Variants in RGS7 observed in about 807,000 individuals in gnomAD.
RGS7 encodes the protein regulator of G protein signaling 7.
Under a neutral mutation model 81.1 loss-of-function variants are expected in RGS7, and 27 were observed. The ratio of observed to expected loss-of-function variants is 0.33; its 90% CI spans 0.25 to 0.46. The LOEUF is 0.46. RGS7 is among the 20% of genes least tolerant of loss of function. RGS7 has a pLI of 1.00. For synonymous variants in RGS7, 208 were observed against 207.7 expected, an observed-to-expected ratio of 1.00 and a Z score of -0.01; for missense variants, 396 against 607.4, an observed-to-expected ratio of 0.65 and a Z score of 3.66.
chr1:241,125,597 C>A (rs1295376942), intron 2 of RGS7, among the ~76,000 whole-genome samples: 1 of 152,170 alleles, frequency 6.6e-6, no homozygotes, highest in African/African-American at 2.4e-5. Flanking sequence ...AGGCACTTCT[C>A]TAGTTAGAAA....
chr1:240,907,895 C>T (rs1423727156), intron 6 of RGS7, among the ~76,000 whole-genome samples: 4 of 151,922 alleles, frequency 2.6e-5, no homozygotes, highest in Admixed American at 1.3e-4. Flanking sequence ...ATAAGAGTGC[C>T]GATCCATAAA....
intron 18 of RGS7, among the ~76,000 whole-genome samples, chr1:240,793,106 TG>T (rs1686296690): frequency 6.6e-6 from 1 of 151,940 alleles, no homozygotes; most frequent in African/African-American, 2.4e-5. Flanking sequence ...GCAGCAGGGG[TG>T]ACATTTCCCA....
intron 2 of RGS7, among the ~76,000 whole-genome samples, chr1:241,296,595 C>T (rs1038272165): frequency 2.0e-5 from 3 of 152,228 alleles, no homozygotes; most frequent in Non-Finnish European, 2.9e-5. Context: ...TCCACATGGA[C>T]GGAAGACGTT....
At chr1:240,801,665 C>A (rs370516550) in intron 16 of RGS7, among the ~76,000 whole-genome samples, 157 bp from the exon 17 acceptor site, 4 of 152,102 alleles carry the variant, frequency 2.6e-5, no homozygotes, top group African/African-American at 4.8e-5. Context: ...GTTGGAGAGC[C>A]GCCAAGGGAG....
At chr1:241,142,399 T>A (rs923901097) in intron 2 of RGS7, among the ~76,000 whole-genome samples, 1 of 152,218 alleles carries the variant, frequency 6.6e-6, no homozygotes, top group Admixed American at 6.5e-5. Flanking sequence ...GTAGCAGACT[T>A]CTGCCTGGAC....
chr1:240,916,603 TG>T (rs371319117), intron 6 of RGS7, among the ~76,000 whole-genome samples: 1 of 152,076 alleles, frequency 6.6e-6, no homozygotes, highest in Non-Finnish European at 1.5e-5. Context: ...ATCATAAGGG[TG>T]AGGTCCCAAT....
intron 3 of RGS7, among the ~76,000 whole-genome samples, chr1:241,037,802 T>G (rs1034011047): frequency 2.0e-5 from 3 of 150,772 alleles, no homozygotes; most frequent in African/African-American, 7.3e-5. Flanking sequence ...CAGAACGAAA[T>G]AATGACTTTT....
rs980280125 is a variant in RGS7, at chr1:240,818,070, C to CT, written c.685-1656dup. On this transcript the variant is annotated intron_variant, in intron 10 of 18. Transcript: ENST00000440928. ...TTCCCATCACTGAGGATATCCATTT[C>CT]TTTTTTTTCTTTTTTTATAATGCCA... Among the ~76,000 whole-genome samples the CT allele has an allele frequency of 5.3e-4, 80 of 152,070 alleles. 1 individual carries two copies. Among genetic ancestry groups the CT allele is most frequent in the African/African-American group, 1.9e-3 (77 of 41,494 alleles).
chr1:240,969,945 G>C (rs934544615), intron 4 of RGS7, among the ~76,000 whole-genome samples: 1 of 152,176 alleles, frequency 6.6e-6, no homozygotes, highest in Non-Finnish European at 1.5e-5. Flanking sequence ...CATGATCTGA[G>C]ACTTACATTT....
chr1:241,288,735 A>C (rs2078946811), intron 2 of RGS7, among the ~76,000 whole-genome samples: 1 of 152,178 alleles, frequency 6.6e-6, no homozygotes, highest in Non-Finnish European at 1.5e-5. Flanking sequence ...TCATTTCTGG[A>C]AAGTTGGAAA....
At chr1:240,927,193 A>G (rs1674599115) in intron 6 of RGS7, among the ~76,000 whole-genome samples, 1 of 152,106 alleles carries the variant, frequency 6.6e-6, no homozygotes, top group African/African-American at 2.4e-5. Context: ...CGGCCTCCCA[A>G]GTAGCTGGGA....
At chr1:241,329,151 C>G (rs574661632) in intron 2 of RGS7, among the ~76,000 whole-genome samples, 1 of 152,172 alleles carries the variant, frequency 6.6e-6, no homozygotes, top group Non-Finnish European at 1.5e-5. Flanking sequence ...TTTCCAACTT[C>G]GAGATCTCAT....
intron 2 of RGS7, among the ~76,000 whole-genome samples, chr1:241,157,755 T>C (rs1467929835): frequency 6.6e-6 from 1 of 152,086 alleles, no homozygotes; most frequent in Non-Finnish European, 1.5e-5. Flanking sequence ...TTTCATAATA[T>C]GTGAAAATTA....
chr1:241,064,735 G>A (rs1420022206), intron 3 of RGS7, among the ~76,000 whole-genome samples: 1 of 151,292 alleles, frequency 6.6e-6, no homozygotes, highest in African/African-American at 2.4e-5. Flanking sequence ...AAAAAAAAAA[G>A]AGACAAAGAA....
At chr1:240,981,518 A>AT (rs1572106788) in intron 4 of RGS7, among the ~76,000 whole-genome samples, 1 of 152,112 alleles carries the variant, frequency 6.6e-6, no homozygotes, top group African/African-American at 2.4e-5. Flanking sequence ...GTGTCAATCT[A>AT]TTTTTTAGCA....
chr1:241,067,524 AT>A (rs11438337), intron 3 of RGS7, among the ~76,000 whole-genome samples: 1,555 of 147,262 alleles, frequency 0.011, 24 homozygotes, highest in African/African-American at 0.036. Flanking sequence ...GAATAATGAG[AT>A]TTTTTTTTTT....
chr1:241,035,232 A>C (rs1369559744), intron 3 of RGS7, among the ~76,000 whole-genome samples: 1 of 152,194 alleles, frequency 6.6e-6, no homozygotes, highest in Admixed American at 6.5e-5. Context: ...ATGCTCTGAA[A>C]TCAAGTGAAG....
At chr1:241,176,806 T>C (rs1436143005) in intron 2 of RGS7, among the ~76,000 whole-genome samples, 1 of 152,072 alleles carries the variant, frequency 6.6e-6, no homozygotes, top group Admixed American at 6.6e-5. Context: ...CAAGGCCTCA[T>C]GGTGGGCTCC....
intron 4 of RGS7, among the ~76,000 whole-genome samples, chr1:240,978,313 A>G (rs1419476063): frequency 6.6e-6 from 1 of 152,224 alleles, no homozygotes; most frequent in African/African-American, 2.4e-5. Context: ...AATAGTATCT[A>G]TATATACCTA....
Sources: allele counts gnomAD v4.1 joint callset (sites outside exome capture counted in the v4.1 genomes callset), GRCh38; gene constraint gnomAD v4.1.1; transcripts MANE v1.5; gene names NCBI Gene and HGNC (gene_info 2026-07-23, HGNC 2026-07-21).